Variants in VWC2 observed in about 807,000 individuals in gnomAD.
VWC2 encodes the protein brorin.
In VWC2, 14 loss-of-function variants were observed where a neutral mutation model predicts 29.8. That is an observed-to-expected ratio of 0.47 (90% CI 0.31 to 0.74). VWC2 has a LOEUF of 0.74. Ranked by LOEUF, VWC2 falls within the 30% of genes least tolerant of loss-of-function variation. The pLI is 0.05. For synonymous variants in VWC2, 213 were observed against 199.0 expected (o/e 1.07, Z -0.59); for missense variants, 457 against 459.8 (o/e 0.99, Z 0.05).
At chr7:49,814,814 G>A (rs186416283) in intron 3 of VWC2, among the ~76,000 whole-genome samples, 1 of 152,250 alleles carries the variant, frequency 6.6e-6, no homozygotes, top group East Asian at 1.9e-4. Flanking sequence ...ACCAGCCCTG[G>A]CGTCACTTCC....
intron 3 of VWC2, among the ~76,000 whole-genome samples, chr7:49,899,902 A>T (rs956494082): frequency 2.6e-5 from 4 of 151,986 alleles, no homozygotes; most frequent in Admixed American, 6.6e-5. Flanking sequence ...AACCCTTACT[A>T]AGATAGACCA....
rs1486385808 is a variant in VWC2, at chr7:49,913,224, G to A, written c.*1039G>A. ...TAGCCACCCTTCACAAGCAGAGTGAGGAAGCAGTTATTTTGTTAAAACAAA... is the reference window on the plus strand; with the variant it reads ...TAGCCACCCTTCACAAGCAGAGTGAAGAAGCAGTTATTTTGTTAAAACAAA... On this transcript the variant is annotated 3_prime_UTR_variant, in exon 4 of 4. Coordinates refer to ENST00000340652, the MANE Select transcript of VWC2 (RefSeq NM_198570.5). The A allele has an allele frequency of 6.6e-6, 1 of 152,132 alleles. No individual in the cohort carries two copies. Among genetic ancestry groups the A allele is most frequent in the African/African-American group, 2.4e-5 (1 of 41,404 alleles). 9.4% of individuals were successfully genotyped at this position (152,132 alleles called of 1,614,324 possible).
intron 3 of VWC2, among the ~76,000 whole-genome samples, chr7:49,818,264 A>T (rs6961340): frequency 0.49 from 74,491 of 152,018 alleles, 18,775 homozygotes; most frequent in East Asian, 0.8. Context: ...AAATTGGACT[A>T]GATTATTTGA....
chr7:49,891,613 TA>T lies in VWC2; in HGVS notation c.827-20412del, dbSNP rs200840385. Among the ~76,000 whole-genome samples the T allele has an allele frequency of 6.8e-4, 102 of 151,096 alleles. 2 individuals are homozygous for T. In the South Asian group the frequency reaches 0.018, roughly 27 times the overall value. On this transcript the variant is annotated intron_variant, in intron 3 of 3. Transcript: ENST00000340652. The stretch of plus-strand genomic sequence containing the variant: ...CGCCAGGGTCGATAAAATATAACAA[TA>T]AAAAAAAACAGCAATAATACCAACA...
chr7:49,911,554 A>G (rs1181188586), intron 3 of VWC2, among the ~76,000 whole-genome samples: 7 of 151,312 alleles, frequency 4.6e-5, no homozygotes, highest in Admixed American at 4.6e-4. Context: ...TTTCATTATT[A>G]CTGAAATTAT....
At chr7:49,887,702 C>A (rs1003719672) in intron 3 of VWC2, among the ~76,000 whole-genome samples, 1 of 148,946 alleles carries the variant, frequency 6.7e-6, no homozygotes, top group African/African-American at 2.6e-5. Flanking sequence ...CATCCCGGGG[C>A]CCAGCTCAAA....
intron 2 of VWC2, among the ~76,000 whole-genome samples, chr7:49,776,536 G>T (rs189800836): frequency 6.6e-6 from 1 of 152,332 alleles, no homozygotes; most frequent in East Asian, 1.9e-4. Flanking sequence ...TCAACTAATA[G>T]CTAATTAAGG....
chr7:49,805,864 A>G (rs916554364), intron 3 of VWC2, among the ~76,000 whole-genome samples: 20 of 152,352 alleles, frequency 1.3e-4, no homozygotes, highest in African/African-American at 4.8e-4. Flanking sequence ...GACCTGTAGC[A>G]TTAAATAGCT....
intron 2 of VWC2, among the ~76,000 whole-genome samples, chr7:49,781,504 C>T (rs527269794): frequency 1.1e-4 from 17 of 152,030 alleles, no homozygotes; most frequent in African/African-American, 4.1e-4. Flanking sequence ...GTGGTATTTT[C>T]TTTATTTTTA....
At chr7:49,833,071 G>A (rs557063265) in intron 3 of VWC2, among the ~76,000 whole-genome samples, 1 of 152,328 alleles carries the variant, frequency 6.6e-6, no homozygotes, top group Admixed American at 6.5e-5. Flanking sequence ...TACTATGAAG[G>A]TTAGGCTAAT....
chr7:49,779,585 A>T (rs1199700182), intron 2 of VWC2, among the ~76,000 whole-genome samples: 1 of 147,854 alleles, frequency 6.8e-6, no homozygotes, highest in African/African-American at 2.5e-5. Flanking sequence ...CTATTGGCTT[A>T]TTTTTTTTTT....
chr7:49,782,412 A>G (rs1788198218), intron 2 of VWC2, among the ~76,000 whole-genome samples: 1 of 152,062 alleles, frequency 6.6e-6, no homozygotes, highest in Non-Finnish European at 1.5e-5. Flanking sequence ...TTTCCTCTTC[A>G]GTTTTGGTGG....
chr7:49,814,749 C>T (rs1789097600), intron 3 of VWC2, among the ~76,000 whole-genome samples: 1 of 152,162 alleles, frequency 6.6e-6, no homozygotes, highest in African/African-American at 2.4e-5. Context: ...AGACTGGTGT[C>T]CACTAGGCAT....
At chr7:49,796,713 G>A (rs1788599084) in intron 2 of VWC2, among the ~76,000 whole-genome samples, 1 of 152,118 alleles carries the variant, frequency 6.6e-6, no homozygotes, top group African/African-American at 2.4e-5. Context: ...TTCAGAGCCT[G>A]GTCCTTCTCA....
intron 3 of VWC2, among the ~76,000 whole-genome samples, chr7:49,892,012 G>C (rs1025090115): frequency 1.4e-5 from 2 of 145,916 alleles, no homozygotes; most frequent in Admixed American, 6.9e-5. Context: ...GAATGCAGTT[G>C]GCAGAACAGA....
chr7:49,844,264 C>A (rs111946423), intron 3 of VWC2, among the ~76,000 whole-genome samples: 5 of 152,160 alleles, frequency 3.3e-5, no homozygotes, highest in Non-Finnish European at 7.4e-5. Context: ...CCCTGAAGGG[C>A]GTCGATTCTA....
intron 3 of VWC2, among the ~76,000 whole-genome samples, chr7:49,859,495 G>C (rs1254077425): frequency 6.6e-6 from 1 of 151,760 alleles, no homozygotes; most frequent in Non-Finnish European, 1.5e-5. Context: ...TTTTTTTCTT[G>C]TTGTTCTTCA....
At chr7:49,803,413 T>C (rs549192158) in intron 3 of VWC2, among the ~76,000 whole-genome samples, 1 of 152,208 alleles carries the variant, frequency 6.6e-6, no homozygotes, top group Non-Finnish European at 1.5e-5. Context: ...CCTGAGGTAC[T>C]GAGGGCATTA....
intron 3 of VWC2, among the ~76,000 whole-genome samples, chr7:49,804,962 A>G (rs1431265507): frequency 1.3e-5 from 2 of 152,210 alleles, no homozygotes; most frequent in African/African-American, 4.8e-5. Flanking sequence ...CTTAGGATTT[A>G]TCCTTCTTAG....
Sources: allele counts gnomAD v4.1 joint callset (sites outside exome capture counted in the v4.1 genomes callset), GRCh38; gene constraint gnomAD v4.1.1; transcripts MANE v1.5; gene names NCBI Gene and HGNC (gene_info 2026-07-23, HGNC 2026-07-21).